KCNMA1: variants seen among roughly 807,000 people sequenced by gnomAD.
KCNMA1 encodes the protein Calcium-activated potassium channel subunit alpha-1.
A neutral mutation model predicts 140.0 loss-of-function variants in KCNMA1; 29 were observed. That is an observed-to-expected ratio of 0.21 (90% CI 0.15 to 0.28). KCNMA1 has a LOEUF of 0.28. Among genes scored for constraint, KCNMA1 ranks in the 10% least tolerant of loss-of-function variants. KCNMA1 has a pLI of 1.00. For synonymous variants in KCNMA1, 612 were observed against 611.9 expected (o/e 1.00, Z 0.00); for missense variants, 880 against 1,602.2 (o/e 0.55, Z 7.70).
intron 1 of KCNMA1, chr10:77,635,172 A>C (rs2093620376): frequency 6.6e-6 from 1 of 152,218 alleles, no homozygotes; most frequent in Non-Finnish European, 1.5e-5. Flanking sequence ...TATTTTCTTG[A>C]GTAAACTGAC....
chr10:77,336,324 A>G (rs2088953346), intron 2 of KCNMA1, among the ~76,000 whole-genome samples: 1 of 152,204 alleles, frequency 6.6e-6, no homozygotes, highest in Non-Finnish European at 1.5e-5. Context: ...AAAGAAGGCT[A>G]CAGAACAGAA....
chr10:77,158,274 A>C (rs1027755149), intron 5 of KCNMA1, among the ~76,000 whole-genome samples: 5 of 152,226 alleles, frequency 3.3e-5, no homozygotes, highest in African/African-American at 1.2e-4. Context: ...CATTGGCTCA[A>C]GATTAAAAGC....
chr10:76,887,310 C>A lies in KCNMA1; in HGVS notation c.3667G>T (p.Glu1223Ter). ...ACGTACTTCTGTTTGTCCCGGGACT[C>A]CCTGGACTTGGGCCGGTTCTGTCGG... ...ANRQNRPKSR[E>*]SRDKQKYVQE... is the part of the protein sequence containing the mutation. The change falls in exon 28 of 28, where the codon GAG becomes TAG. Residue 1223 changes from glutamate (E) to a stop codon, truncating the protein, a stop_gained. Transcript: ENST00000286628. LOFTEE classifies it high-confidence loss of function. 6.2e-7 allele frequency: 1 copy of A among 1,614,024 alleles called. No individual in the cohort carries two copies. Among genetic ancestry groups the A allele is most frequent in the Non-Finnish European group, 8.5e-7 (1 of 1,179,998 alleles).
At chr10:77,626,343 C>T (rs562616705) in intron 1 of KCNMA1, among the ~76,000 whole-genome samples, 53 of 152,090 alleles carry the variant, frequency 3.5e-4, no homozygotes, top group African/African-American at 1.1e-3. Flanking sequence ...ACAGGAGAAA[C>T]GGCCATAATT....
rs139960171 is a variant in KCNMA1, at chr10:77,107,512, C to T, written c.1223+969G>A. Among the ~76,000 whole-genome samples the T allele has an allele frequency of 1.6e-4, 25 of 152,328 alleles. No individual in the cohort carries two copies. The East Asian group carries it at 4.4e-3, about 27-fold the overall frequency. On this transcript the variant is annotated intron_variant, in intron 9 of 27. Transcript: ENST00000286628. ...ATAAATAAAGGATGGCTGCTGCCAG[C>T]CCCCTCTCCCCCATGGCATTCTCCT...
At chr10:77,387,564 T>C (rs1438023135) in intron 2 of KCNMA1, among the ~76,000 whole-genome samples, 3 of 151,664 alleles carry the variant, frequency 2.0e-5, no homozygotes, top group Non-Finnish European at 4.4e-5. Context: ...TCTTTTTCTT[T>C]TCTTTTCTTT....
chr10:77,492,311 C>T (rs766353724), intron 1 of KCNMA1, among the ~76,000 whole-genome samples: 2 of 152,208 alleles, frequency 1.3e-5, no homozygotes, highest in African/African-American at 2.4e-5. Flanking sequence ...CCTCATCTCT[C>T]ATAACCCAGC....
chr10:77,161,796 T>G (rs1233734472), intron 5 of KCNMA1, among the ~76,000 whole-genome samples: 1 of 152,238 alleles, frequency 6.6e-6, no homozygotes, highest in African/African-American at 2.4e-5. Context: ...ATTTAACTAT[T>G]TATTCATCTT....
chr10:77,586,392 C>T (rs1024011346), intron 1 of KCNMA1: 1 of 152,230 alleles, frequency 6.6e-6, no homozygotes, highest in African/African-American at 2.4e-5. Flanking sequence ...CCTTCACGAG[C>T]AACCCTCCAC....
At chr10:76,977,507 T>C (rs1430741100) in intron 19 of KCNMA1, 2 of 702,506 alleles carry the variant, frequency 2.8e-6, no homozygotes, top group South Asian at 1.5e-5. Context: ...ATAGAGACCA[T>C]ATGGGTTGCA....
intron 1 of KCNMA1, among the ~76,000 whole-genome samples, chr10:77,412,027 G>A (rs914914694): frequency 2.6e-5 from 4 of 152,178 alleles, no homozygotes; most frequent in Admixed American, 6.5e-5. Flanking sequence ...CGGGCCTGAC[G>A]CACCTGAGTG....
At chr10:77,251,144 G>C in intron 3 of KCNMA1, 51 bp downstream of exon 3, 1 of 1,373,424 alleles carries the variant, frequency 7.3e-7, no homozygotes, top group South Asian at 1.2e-5. Flanking sequence ...CAATGTAAAG[G>C]CTCATGATTG....
At chr10:77,579,993 C>A (rs1006994584) in intron 1 of KCNMA1, among the ~76,000 whole-genome samples, 2 of 152,216 alleles carry the variant, frequency 1.3e-5, no homozygotes, top group Non-Finnish European at 2.9e-5. Flanking sequence ...CCTCCCCACA[C>A]ATATCCAGCT....
intron 1 of KCNMA1, among the ~76,000 whole-genome samples, chr10:77,460,556 C>T (rs558053074): frequency 6.6e-6 from 1 of 152,000 alleles, no homozygotes; most frequent in Admixed American, 6.6e-5. Flanking sequence ...CACACACACA[C>T]GCACACCATG....
intron 1 of KCNMA1, among the ~76,000 whole-genome samples, chr10:77,622,802 A>G (rs928982638): frequency 6.6e-6 from 1 of 152,214 alleles, no homozygotes; most frequent in Non-Finnish European, 1.5e-5. Flanking sequence ...CCCTAAGAAA[A>G]TAGTAACTCC....
intron 1 of KCNMA1, among the ~76,000 whole-genome samples, chr10:77,542,064 A>G (rs2060311200): frequency 6.6e-6 from 1 of 152,198 alleles, no homozygotes; most frequent in Non-Finnish European, 1.5e-5. Flanking sequence ...AAGTGGGATT[A>G]CTGCTCTATA....
chr10:77,236,437 G>A (rs1220024913), intron 3 of KCNMA1, among the ~76,000 whole-genome samples: 1 of 152,154 alleles, frequency 6.6e-6, no homozygotes, highest in African/African-American at 2.4e-5. Context: ...GATGTCAGAG[G>A]GAGGATGGTC....
intron 1 of KCNMA1, among the ~76,000 whole-genome samples, chr10:77,477,107 T>A (rs1215217392): frequency 6.6e-6 from 1 of 152,222 alleles, no homozygotes; most frequent in Non-Finnish European, 1.5e-5. Context: ...CGGTCATTTG[T>A]CTTCCTTGGG....
rs1473421551 is a variant in KCNMA1 at position 77,269,710 on chromosome 10, C to CT, written c.541-18455dup. 2.6e-5 allele frequency among the ~76,000 whole-genome samples: 4 copies of CT among 152,344 alleles called. No individual in the cohort carries two copies. In the South Asian group the frequency reaches 8.3e-4, roughly 32 times the overall value. On this transcript the variant is annotated intron_variant, in intron 2 of 27. Transcript: ENST00000286628. Reference sequence around the variant, plus strand: ...CAGAGCAAATGGAACATGTGACTATCTCCAGGGATCTGGGCTGCCTGGGAC... The same window carrying CT: ...CAGAGCAAATGGAACATGTGACTATCTTCCAGGGATCTGGGCTGCCTGGGAC...
Sources: allele counts gnomAD v4.1 joint callset (sites outside exome capture counted in the v4.1 genomes callset), GRCh38; gene constraint gnomAD v4.1.1; transcripts MANE v1.5; gene names NCBI Gene and HGNC (gene_info 2026-07-23, HGNC 2026-07-21).